ZNF184: variants seen among roughly 807,000 people sequenced by gnomAD.
ZNF184 encodes the protein zinc finger protein 184 (Kruppel-like).
A neutral mutation model predicts 54.4 loss-of-function variants in ZNF184; 16 were observed. That is an observed-to-expected ratio of 0.29 (90% CI 0.20 to 0.45). The LOEUF (loss-of-function observed/expected upper bound fraction) is 0.45, where lower values mean the gene tolerates loss of function less well. Ranked by LOEUF, ZNF184 falls within the 20% of genes least tolerant of loss-of-function variation. ZNF184 has a pLI of 1.00. For missense variants in ZNF184, 681 were observed against 888.2 expected (o/e 0.77, Z 2.97); for synonymous variants, 254 against 295.3 (o/e 0.86, Z 1.43).
intron 3 of ZNF184, among the ~76,000 whole-genome samples, chr6:27,466,143 A>G (rs1292866723): frequency 6.1e-4 from 7 of 11,530 alleles, no homozygotes; most frequent in East Asian, 2.4e-3. Flanking sequence ...AGTCAGAGGG[A>G]GAGAGAGAGA....
intron 3 of ZNF184, among the ~76,000 whole-genome samples, chr6:27,462,256 G>A (rs901361785): frequency 6.6e-6 from 1 of 151,684 alleles, no homozygotes; most frequent in Non-Finnish European, 1.5e-5. Context: ...GGAGTGCAGT[G>A]GCGTGATCTC....
the ZNF184 span, among the ~76,000 whole-genome samples, chr6:27,412,523 C>A: frequency 2.5e-3 from 384 of 152,298 alleles, 1 homozygote; most frequent in African/African-American, 8.3e-3. Context: ...TATGGGCACA[C>A]AGGCATAAGC....
At chr6:27,407,913 A>C in the ZNF184 span, 1 of 1,115,712 alleles carries the variant, frequency 9.0e-7, no homozygotes, top group East Asian at 2.3e-5. Flanking sequence ...GCTGATTAAC[A>C]TAAGAGATGG....
At chr6:27,427,232 TAGAC>T in the ZNF184 span, among the ~76,000 whole-genome samples, 3 of 152,196 alleles carry the variant, frequency 2.0e-5, no homozygotes, top group South Asian at 4.1e-4. Flanking sequence ...TTGGGGTTCT[TAGAC>T]AGATGGAGAA....
chr6:27,437,159 T>A, the ZNF184 span, among the ~76,000 whole-genome samples: 1 of 152,230 alleles, frequency 6.6e-6, no homozygotes, highest in African/African-American at 2.4e-5. Context: ...ATAATTATGC[T>A]AGGTTACATG....
At chr6:27,423,431 A>C in the ZNF184 span, among the ~76,000 whole-genome samples, 3 of 152,146 alleles carry the variant, frequency 2.0e-5, no homozygotes, top group African/African-American at 7.2e-5. Context: ...AGCCTATTAC[A>C]TTCGTCTACA....
chr6:27,405,001 T>G, the ZNF184 span: 1 of 130,002 alleles, frequency 7.7e-6, no homozygotes, highest in African/African-American at 2.9e-5. Flanking sequence ...GGGTAAAGAG[T>G]GAGACTCGGT....
At position 27,451,655 on chromosome 6, in the gene ZNF184, G is replaced by A. The variant is rs771474498; in HGVS notation, c.1904C>T (p.Thr635Ile). ...CTGGTAGGGTTTTTCTTCTGTGTGA[G>A]TTTTTTGATGTTGAGCAAGAGATGA... ...HCSSLAQHQK[T>I]HTEEKPYQCN... The change falls in exon 6 of 6, where the codon ACT (threonine) becomes ATT (isoleucine). Residue 635 changes from threonine (T) to isoleucine (I), a missense_variant. Transcript: ENST00000683788. 6.2e-7 allele frequency: 1 copy of A among 1,614,004 alleles called. No individual in the cohort carries two copies. Among genetic ancestry groups the A allele is most frequent in the African/African-American group, 1.3e-5 (1 of 74,922 alleles).
At chr6:27,457,059 T>C in intron 4 of ZNF184, 138 bp from the exon 5 acceptor site, 1 of 941,112 alleles carries the variant, frequency 1.1e-6, no homozygotes, top group Non-Finnish European at 1.6e-6. Flanking sequence ...CAAGCTTTAG[T>C]GTTACCAGTT....
chr6:27,442,874 GAAAGAA>G, the ZNF184 span, among the ~76,000 whole-genome samples: 2,324 of 67,386 alleles, frequency 0.034, 251 homozygotes, highest in African/African-American at 0.05. Context: ...AAGAAAGAAA[GAAAGAA>G]AAAGAAAAAA....
chr6:27,446,414 G>A (rs1438006060), downstream of ZNF184, among the ~76,000 whole-genome samples: 5 of 152,238 alleles, frequency 3.3e-5, no homozygotes, highest in African/African-American at 1.2e-4. Context: ...AAGCTGTAGA[G>A]CTTGGCAGTG....
chr6:27,407,913 A>G, the ZNF184 span: 2 of 1,115,712 alleles, frequency 1.8e-6, no homozygotes, highest in Admixed American at 1.7e-5. Flanking sequence ...GCTGATTAAC[A>G]TAAGAGATGG....
chr6:27,472,208 G>C lies in ZNF184; in HGVS notation c.7+80C>G, dbSNP rs1245845473. On this transcript the variant is annotated intron_variant, in intron 2 of 5. Transcript: ENST00000683788. This position sits in a 1 kb window ranked among gnomAD's most constrained non-coding sequence, Gnocchi z 4.8. ...TCCTTCCTTCCAAATCTCCTGCTCT[G>C]ATCTCAAGTATTTGATACTCCAGTC... The C allele has an allele frequency of 2.0e-5, 32 of 1,581,440 alleles. No homozygotes were observed. The highest frequency in any genetic ancestry group is 2.7e-5 in the Non-Finnish European group (31 of 1,154,162).
At chr6:27,425,341 G>A in the ZNF184 span, among the ~76,000 whole-genome samples, 1 of 152,368 alleles carries the variant, frequency 6.6e-6, no homozygotes, top group Non-Finnish European at 1.5e-5. Context: ...CAGAGGAGGC[G>A]CCGAGAGCGA....
At chr6:27,460,090 C>T (rs1474071205) in intron 3 of ZNF184, among the ~76,000 whole-genome samples, 1 of 152,056 alleles carries the variant, frequency 6.6e-6, no homozygotes, top group African/African-American at 2.4e-5. Context: ...TTGCTTCCAC[C>T]CAGAAGTTCG....
At chr6:27,447,113 G>A, downstream of ZNF184, among the ~76,000 whole-genome samples, 1 of 151,758 alleles carries the variant, frequency 6.6e-6, no homozygotes, top group Non-Finnish European at 1.5e-5. Flanking sequence ...TTCCCTGTTG[G>A]GTTTTGGAAA....
chr6:27,412,037 G>A, the ZNF184 span, among the ~76,000 whole-genome samples: 1 of 152,098 alleles, frequency 6.6e-6, no homozygotes, highest in Non-Finnish European at 1.5e-5. Context: ...TGGGACCACC[G>A]CAACATGGTG....
the ZNF184 span, chr6:27,406,654 A>G: frequency 6.6e-6 from 1 of 152,302 alleles, no homozygotes; most frequent in Non-Finnish European, 1.5e-5. Flanking sequence ...GACTTGCACC[A>G]AGTCTGTACA....
chr6:27,461,655 T>C (rs1310276972), intron 3 of ZNF184, among the ~76,000 whole-genome samples: 5 of 152,198 alleles, frequency 3.3e-5, no homozygotes, highest in African/African-American at 1.2e-4. Flanking sequence ...AAGTGATCCC[T>C]GAGAATCAGG....
Sources: allele counts gnomAD v4.1 joint callset (sites outside exome capture counted in the v4.1 genomes callset), GRCh38; gene constraint gnomAD v4.1.1; non-coding constraint Gnocchi (gnomAD v3.1); transcripts MANE v1.5; gene names NCBI Gene and HGNC (gene_info 2026-07-23, HGNC 2026-07-21).